The following STAC variants were observed in gnomAD, a reference collection of about 807,000 sequenced individuals.
The protein encoded by STAC is SH3 and cysteine rich domain.
STAC carries 43 observed loss-of-function variants against 48.8 expected under a neutral mutation model. The ratio of observed to expected loss-of-function variants is 0.88; its 90% CI spans 0.69 to 1.14. The LOEUF (loss-of-function observed/expected upper bound fraction) is 1.14. STAC is among the 50% of genes most tolerant of loss of function. The pLI is 0.00. For synonymous variants in STAC, 193 were observed against 179.5 expected, an observed-to-expected ratio of 1.07 and a Z score of -0.60; for missense variants, 497 against 504.0, an observed-to-expected ratio of 0.99 and a Z score of 0.13.
intron 2 of STAC, among the ~76,000 whole-genome samples, chr3:36,463,820 C>T (rs1181962762): frequency 6.6e-6 from 1 of 151,968 alleles, no homozygotes; most frequent in Non-Finnish European, 1.5e-5. Context: ...CAGCTTCATC[C>T]ATGTCCCTCC....
chr3:36,457,833 A>C (rs1696894714), intron 2 of STAC, among the ~76,000 whole-genome samples: 1 of 152,188 alleles, frequency 6.6e-6, no homozygotes, highest in Non-Finnish European at 1.5e-5. Context: ...TGAACCAGTG[A>C]CCCAGAGGGC....
intron 8 of STAC, among the ~76,000 whole-genome samples, chr3:36,508,710 G>A (rs1399087296): frequency 6.6e-6 from 1 of 152,066 alleles, no homozygotes; most frequent in African/African-American, 2.4e-5. Context: ...TTGGATTAAG[G>A]TCTGTTTTAT....
intron 1 of STAC, among the ~76,000 whole-genome samples, chr3:36,413,068 A>T (rs1296823013): frequency 6.6e-6 from 1 of 152,104 alleles, no homozygotes; most frequent in Admixed American, 6.6e-5. Flanking sequence ...GTTCTTTTAC[A>T]TTTGCTGAGG....
intron 1 of STAC, among the ~76,000 whole-genome samples, chr3:36,415,056 G>A (rs1006118104): frequency 9.9e-5 from 15 of 152,184 alleles, no homozygotes; most frequent in African/African-American, 1.7e-4. Flanking sequence ...GTGCCCAGCC[G>A]TGTGAGGTGT....
In STAC at chr3:36,435,897, T is replaced by C. The variant is rs965683090; in HGVS notation, c.112-7467T>C. The stretch of plus-strand genomic sequence containing the variant: ...TGAGTCTTCTCCTTCCTCACCAGCC[T>C]TTCCTTCTCAAGTCCCTTTGCTTGT... On this transcript the variant is annotated intron_variant, in intron 1 of 10. Coordinates refer to ENST00000273183, the MANE Select transcript of STAC (RefSeq NM_003149.3). 7.9e-5 allele frequency among the ~76,000 whole-genome samples: 12 copies of C among 152,186 alleles called. 1 individual carries two copies. The highest frequency in any genetic ancestry group is 5.9e-5 in the Non-Finnish European group (4 of 68,036).
intron 1 of STAC, among the ~76,000 whole-genome samples, chr3:36,389,495 T>C (rs1472592970): frequency 6.6e-6 from 1 of 152,138 alleles, no homozygotes; most frequent in Non-Finnish European, 1.5e-5. Context: ...TTTCAACAAA[T>C]GAATTTCAGG....
chr3:36,477,776 T>C (rs73827528), intron 2 of STAC, among the ~76,000 whole-genome samples: 4,718 of 152,236 alleles, frequency 0.031, 221 homozygotes, highest in African/African-American at 0.11. Flanking sequence ...ATAAAACTGT[T>C]TTAATTTAGC....
intron 8 of STAC, among the ~76,000 whole-genome samples, chr3:36,527,063 G>A (rs565157698): frequency 5.8e-4 from 88 of 152,276 alleles, no homozygotes; most frequent in Admixed American, 2.9e-3. Context: ...CACTTGAAAG[G>A]GAGACCCATG....
chr3:36,470,643 T>G (rs1697304735), intron 2 of STAC, among the ~76,000 whole-genome samples: 1 of 152,242 alleles, frequency 6.6e-6, no homozygotes, highest in Non-Finnish European at 1.5e-5. Context: ...AAAGGTCTAT[T>G]GATTCTCTCA....
Position 36,528,718 on chromosome 3 carries a change from T to C in STAC, c.943T>C (p.Leu315=). ...EMRPGDIITL[L]EDSNEDWWKG... The stretch of plus-strand genomic sequence containing the variant: ...TAGGCCAGGAGACATAATTACTCTT[T>C]TAGAGGATTCCAATGAAGACTGGTG... Residue 315 remains leucine, a synonymous_variant, in exon 9 of 11, where the codon TTA becomes CTA. Transcript: ENST00000273183. 1 of 1,606,280 alleles carries C rather than the reference T, an allele frequency of 6.2e-7. No individual in the cohort carries two copies. Among genetic ancestry groups the C allele is most frequent in the Non-Finnish European group, 8.5e-7 (1 of 1,177,152 alleles).
At chr3:36,459,170 C>A (rs939982274) in intron 2 of STAC, 1 of 152,152 alleles carries the variant, frequency 6.6e-6, no homozygotes, top group Non-Finnish European at 1.5e-5. Flanking sequence ...TACTTAGTTT[C>A]TTGCATACAT....
In STAC at chr3:36,485,013, C is replaced by T. The variant is rs1261328322; in HGVS notation, c.526C>T (p.Leu176Phe). The change falls in exon 4 of 11, where the codon CTC becomes TTC. Residue 176 changes from leucine to phenylalanine, a missense_variant. Leu to Phe is a conservative substitution (Grantham distance 22). Coordinates refer to ENST00000273183, the MANE Select transcript of STAC (RefSeq NM_003149.3). ...GFRRYYSSPLLIHEQFGCIKE... is the reference protein window; with the variant it reads ...GFRRYYSSPLFIHEQFGCIKE... ...TCGGCGTTACTACAGCTCCCCCTTGCTCATTCATGAACAGTTTGGCTGCAT... is the reference window on the plus strand; with the variant it reads ...TCGGCGTTACTACAGCTCCCCCTTGTTCATTCATGAACAGTTTGGCTGCAT... The T allele has an allele frequency of 1.2e-6, 2 of 1,605,026 alleles. No individual in the cohort carries two copies. The highest frequency in any genetic ancestry group is 2.2e-5 in the South Asian group (2 of 89,160).
At chr3:36,405,518 G>A (rs139339472) in intron 1 of STAC, among the ~76,000 whole-genome samples, 181 of 152,126 alleles carry the variant, frequency 1.2e-3, no homozygotes, top group African/African-American at 4.2e-3. Context: ...CATCATCTAG[G>A]GCTGTCGCTT....
intron 1 of STAC, among the ~76,000 whole-genome samples, chr3:36,441,526 G>T (rs1484627806): frequency 6.6e-6 from 1 of 152,000 alleles, no homozygotes; most frequent in African/African-American, 2.4e-5. Context: ...TCCATATCTT[G>T]GCTATTGTGA....
chr3:36,520,207 G>A (rs1698767711), intron 8 of STAC, among the ~76,000 whole-genome samples: 1 of 152,158 alleles, frequency 6.6e-6, no homozygotes. Context: ...GAATGGTTAA[G>A]TCACTTGTTG....
chr3:36,383,238 A>G (rs1699551334), intron 1 of STAC, among the ~76,000 whole-genome samples: 1 of 152,246 alleles, frequency 6.6e-6, no homozygotes, highest in Non-Finnish European at 1.5e-5. Flanking sequence ...TGTAAGTCAG[A>G]TACAACCTTA....
At chr3:36,418,234 C>T (rs768711665) in intron 1 of STAC, among the ~76,000 whole-genome samples, 6 of 151,832 alleles carry the variant, frequency 4.0e-5, no homozygotes, top group Non-Finnish European at 4.4e-5. Flanking sequence ...TGCACTATTT[C>T]CTTTGTAACA....
intron 2 of STAC, among the ~76,000 whole-genome samples, chr3:36,479,940 A>G (rs941475619): frequency 3.9e-5 from 6 of 152,212 alleles, no homozygotes; most frequent in African/African-American, 1.2e-4. Flanking sequence ...TTCCTCTTCA[A>G]TCATTCTTGT....
chr3:36,522,486 C>G (rs998415667), intron 8 of STAC, among the ~76,000 whole-genome samples: 9 of 152,162 alleles, frequency 5.9e-5, no homozygotes, highest in Non-Finnish European at 1.3e-4. Flanking sequence ...TAAGAAAACC[C>G]AGGCTTAGAT....
Sources: allele counts gnomAD v4.1 joint callset (sites outside exome capture counted in the v4.1 genomes callset), GRCh38; gene constraint gnomAD v4.1.1; transcripts MANE v1.5; gene names NCBI Gene and HGNC (gene_info 2026-07-23, HGNC 2026-07-21).